The following GALNT10 variants were observed in gnomAD, a reference collection of about 807,000 sequenced individuals.
GALNT10 encodes the protein GalNAc transferase 10.
A neutral mutation model predicts 75.0 loss-of-function variants in GALNT10; 41 were observed. The observed-to-expected ratio is 0.55, with a 90% CI of 0.43 to 0.71. The LOEUF is 0.71. Among genes scored for constraint, GALNT10 ranks in the 30% least tolerant of loss-of-function variants. GALNT10 has a pLI of 0.00. For synonymous variants in GALNT10, 302 were observed against 313.0 expected, an observed-to-expected ratio of 0.96 and a Z score of 0.37; for missense variants, 727 against 818.5, an observed-to-expected ratio of 0.89 and a Z score of 1.36.
rs530807140 is a variant in GALNT10 at position 154,276,351 on chromosome 5, A to G, written c.160-18465A>G. Among the ~76,000 whole-genome samples the G allele has an allele frequency of 2.6e-5, 4 of 152,318 alleles. No individual in the cohort carries two copies. In the South Asian group the frequency reaches 8.3e-4, roughly 32 times the overall value. ...TACCCATACATGGCCCCCTTGATCT[A>G]CAAAACCAGCAATGCCATATTTAAT... is the stretch of plus-strand genomic sequence containing the variant. On this transcript the variant is annotated intron_variant, in intron 1 of 11. Transcript: ENST00000297107.
At chr5:154,254,453 T>A (rs2113019013) in intron 1 of GALNT10, among the ~76,000 whole-genome samples, 1 of 152,236 alleles carries the variant, frequency 6.6e-6, no homozygotes, top group African/African-American at 2.4e-5. Flanking sequence ...TTTTGTTTTT[T>A]GCAGCCCTTT....
intron 1 of GALNT10, among the ~76,000 whole-genome samples, chr5:154,229,086 G>A (rs187411888): frequency 7.5e-4 from 114 of 152,276 alleles, no homozygotes; most frequent in Non-Finnish European, 1.2e-3. Context: ...CTCTGGTAAC[G>A]TGGGATTGAT....
chr5:154,218,059 T>C (rs1415055696), intron 1 of GALNT10: 3 of 984,724 alleles, frequency 3.0e-6, no homozygotes, highest in Non-Finnish European at 3.6e-6. Flanking sequence ...TGGGCACTGC[T>C]GTTCGACTGA....
At chr5:154,203,217 T>C (rs1331216600) in intron 1 of GALNT10, among the ~76,000 whole-genome samples, 1 of 152,114 alleles carries the variant, frequency 6.6e-6, no homozygotes, top group Non-Finnish European at 1.5e-5. Flanking sequence ...GCCTCTCCCC[T>C]CTCTGTCTGT....
intron 4 of GALNT10, among the ~76,000 whole-genome samples, chr5:154,357,151 C>T (rs1418601973): frequency 6.6e-6 from 1 of 152,046 alleles, no homozygotes; most frequent in Non-Finnish European, 1.5e-5. Context: ...GAAAAACTGC[C>T]AAGTGAGCAA....
intron 7 of GALNT10, chr5:154,393,067 A>AAAAAAAAC (rs1755939678): frequency 8.6e-6 from 1 of 116,508 alleles, no homozygotes; most frequent in Non-Finnish European, 1.7e-5. Context: ...CAAAAAAAAA[A>AAAAAAAAC]AAAAAAAAAA....
At chr5:154,386,626 G>A in intron 7 of GALNT10, 196 bp downstream of exon 7, 1 of 620,350 alleles carries the variant, frequency 1.6e-6, no homozygotes, top group Non-Finnish European at 2.8e-6. Context: ...GGAGGGAAGG[G>A]GAGTACTCTC....
chr5:154,382,128 C>G (rs1273171133), intron 6 of GALNT10, among the ~76,000 whole-genome samples: 1 of 152,222 alleles, frequency 6.6e-6, no homozygotes, highest in Non-Finnish European at 1.5e-5. Context: ...GGAAGCTCAG[C>G]CATCTTCATG....
At chr5:154,211,779 G>A (rs1349812425) in intron 1 of GALNT10, among the ~76,000 whole-genome samples, 1 of 152,062 alleles carries the variant, frequency 6.6e-6, no homozygotes, top group Non-Finnish European at 1.5e-5. Context: ...GGAGACCGCA[G>A]TTCCTCAACA....
At chr5:154,226,387 A>G (rs1039893032) in intron 1 of GALNT10, among the ~76,000 whole-genome samples, 25 of 152,214 alleles carry the variant, frequency 1.6e-4, no homozygotes, top group African/African-American at 5.8e-4. Context: ...TTCCTTCAGC[A>G]AGGGCTCTTG....
At chr5:154,289,622 A>G (rs932934784) in intron 1 of GALNT10, among the ~76,000 whole-genome samples, 2 of 152,234 alleles carry the variant, frequency 1.3e-5, no homozygotes, top group Admixed American at 6.5e-5. Flanking sequence ...TATCTGTAAA[A>G]TGAGGCAGCT....
At chr5:154,330,772 A>C (rs1403897305) in intron 4 of GALNT10, among the ~76,000 whole-genome samples, 1 of 152,190 alleles carries the variant, frequency 6.6e-6, no homozygotes, top group Non-Finnish European at 1.5e-5. Context: ...TAAGCAGTGA[A>C]GAGAGGGAGT....
At chr5:154,316,169 T>C (rs993360643) in intron 3 of GALNT10, among the ~76,000 whole-genome samples, 1 of 152,196 alleles carries the variant, frequency 6.6e-6, no homozygotes, top group African/African-American at 2.4e-5. Flanking sequence ...CAGCCCCCCA[T>C]GGACTTGCCA....
chr5:154,385,391 G>C (rs1190053140), intron 6 of GALNT10, among the ~76,000 whole-genome samples: 1 of 152,124 alleles, frequency 6.6e-6, no homozygotes, highest in Non-Finnish European at 1.5e-5. Context: ...CCTTGCTGAC[G>C]TTTTATCCTC....
intron 1 of GALNT10, among the ~76,000 whole-genome samples, chr5:154,277,109 T>G (rs1332183037): frequency 6.6e-6 from 1 of 152,082 alleles, no homozygotes; most frequent in South Asian, 2.1e-4. Context: ...TCGGGTGGTT[T>G]CTCTGGCCTT....
intron 3 of GALNT10, among the ~76,000 whole-genome samples, chr5:154,314,076 A>AAAGT (rs1754563979): frequency 6.6e-6 from 1 of 152,124 alleles, no homozygotes; most frequent in Non-Finnish European, 1.5e-5. Context: ...AATGACCTAT[A>AAAGT]CCGTGGCCTC....
At chr5:154,252,059 A>G (rs1390376063) in intron 1 of GALNT10, among the ~76,000 whole-genome samples, 1 of 152,148 alleles carries the variant, frequency 6.6e-6, no homozygotes, top group East Asian at 1.9e-4. Flanking sequence ...TAGTAGAATT[A>G]GATTCTTGTC....
At position 154,329,651 on chromosome 5, in the gene GALNT10, C is replaced by T. The variant is rs757669323; in HGVS notation, c.481C>T (p.Leu161Phe). Reference sequence around the variant, plus strand: ...CTTCCACAACGAGGGCTGGTCCTCCCTCCTCCGCACCGTCCACAGTGTGCT... The same window carrying T: ...CTTCCACAACGAGGGCTGGTCCTCCTTCCTCCGCACCGTCCACAGTGTGCT... ...IPFHNEGWSS[L>F]LRTVHSVLNR... Residue 161 changes from leucine (L) to phenylalanine (F), a missense_variant, in exon 4 of 12, where the codon CTC (leucine) becomes TTC (phenylalanine). Coordinates refer to ENST00000297107, the MANE Select transcript of GALNT10 (RefSeq NM_198321.4). 6.2e-7 allele frequency: 1 copy of T among 1,613,236 alleles called. No individual in the cohort carries two copies. The highest frequency in any genetic ancestry group is 1.1e-5 in the South Asian group (1 of 91,058).
chr5:154,353,641 G>T (rs1273311358), intron 4 of GALNT10, among the ~76,000 whole-genome samples: 2 of 152,242 alleles, frequency 1.3e-5, no homozygotes, highest in East Asian at 3.9e-4. Flanking sequence ...AGAAGACATG[G>T]GCCCTGCCCT....
Sources: gnomAD v4.1 joint callset for allele counts (sites outside exome capture counted in the v4.1 genomes callset) on GRCh38, gnomAD v4.1.1 for gene constraint, MANE v1.5 for transcripts, NCBI Gene and HGNC (gene_info 2026-07-23, HGNC 2026-07-21) for gene names.